The following ACTR3C variants were observed in gnomAD, a reference collection of about 807,000 sequenced individuals.
ACTR3C encodes actin-related protein 3C.
ACTR3C carries 18 observed loss-of-function variants against 26.3 expected under a neutral mutation model. The ratio of observed to expected loss-of-function variants is 0.68; its 90% CI spans 0.47 to 1.01. The LOEUF is 1.01. ACTR3C is among the 50% of genes least tolerant of loss of function. ACTR3C has a pLI of 0.00. For missense variants in ACTR3C, 184 were observed against 250.7 expected (o/e 0.73, Z 1.80); for synonymous variants, 55 against 94.5 (o/e 0.58, Z 2.42).
At chr7:150,193,408 CTT>C in the ACTR3C span, among the ~76,000 whole-genome samples, 28 of 133,442 alleles carry the variant, frequency 2.1e-4, no homozygotes, top group African/African-American at 6.6e-4. Flanking sequence ...TTTTTATTTT[CTT>C]TTTTTTTTTT....
the ACTR3C span, among the ~76,000 whole-genome samples, chr7:150,015,973 T>G: frequency 3.3e-5 from 5 of 151,342 alleles, no homozygotes; most frequent in African/African-American, 1.2e-4. Flanking sequence ...GAATCCACCC[T>G]GGAGGCCTCA....
chr7:150,132,220 G>A, the ACTR3C span, among the ~76,000 whole-genome samples: 4 of 152,118 alleles, frequency 2.6e-5, no homozygotes, highest in South Asian at 2.1e-4. Context: ...CAGGGTAGAC[G>A]GGGAATAACT....
chr7:150,027,031 C>A, the ACTR3C span, among the ~76,000 whole-genome samples: 39 of 151,818 alleles, frequency 2.6e-4, no homozygotes, highest in African/African-American at 9.2e-4. Flanking sequence ...AATTTGTGAC[C>A]GAGCCAGGAT....
chr7:150,143,516 A>C, the ACTR3C span, among the ~76,000 whole-genome samples: 1 of 152,190 alleles, frequency 6.6e-6, no homozygotes, highest in Non-Finnish European at 1.5e-5. Context: ...ATAGTCATGT[A>C]ACAGCTACGA....
the ACTR3C span, among the ~76,000 whole-genome samples, chr7:150,090,921 T>C: frequency 6.6e-6 from 1 of 151,870 alleles, no homozygotes; most frequent in Non-Finnish European, 1.5e-5. Context: ...GCCTCTGGAG[T>C]GAGGCAGAAT....
the ACTR3C span, among the ~76,000 whole-genome samples, chr7:150,142,928 G>A: frequency 1.6e-4 from 25 of 152,002 alleles, 1 homozygote; most frequent in East Asian, 4.8e-3. Context: ...TCCACCTCCC[G>A]GGTTCAAGTG....
the ACTR3C span, chr7:150,001,963 G>C: frequency 6.6e-6 from 1 of 152,220 alleles, no homozygotes; most frequent in Non-Finnish European, 1.5e-5. Context: ...AACGTGCATG[G>C]GTCCTCACCA....
At chr7:150,107,412 A>G in the ACTR3C span, among the ~76,000 whole-genome samples, 22,518 of 151,568 alleles carry the variant, frequency 0.15, 2,004 homozygotes, top group African/African-American at 0.22. Context: ...TGCTAGATCT[A>G]TTGCTTCACA....
the ACTR3C span, among the ~76,000 whole-genome samples, chr7:150,090,472 T>G: frequency 6.6e-6 from 1 of 152,146 alleles, no homozygotes. Flanking sequence ...TTAAGCTGAT[T>G]TGTATTCTTT....
the ACTR3C span, among the ~76,000 whole-genome samples, chr7:150,104,474 C>T: frequency 6.6e-6 from 1 of 151,698 alleles, no homozygotes; most frequent in Non-Finnish European, 1.5e-5. Context: ...GACATTTGTA[C>T]TTCTCAAAGG....
At chr7:150,129,282 T>C in the ACTR3C span, among the ~76,000 whole-genome samples, 1 of 152,054 alleles carries the variant, frequency 6.6e-6, no homozygotes, top group East Asian at 1.9e-4. Context: ...ACAAGTAACA[T>C]ACTGAATGGT....
the ACTR3C span, among the ~76,000 whole-genome samples, chr7:149,991,153 T>A: frequency 6.6e-6 from 1 of 152,088 alleles, no homozygotes; most frequent in Non-Finnish European, 1.5e-5. Context: ...AGACAGCAAG[T>A]GCAGGGGAAC....
chr7:149,993,509 A>G, the ACTR3C span, among the ~76,000 whole-genome samples: 1 of 152,202 alleles, frequency 6.6e-6, no homozygotes, highest in Non-Finnish European at 1.5e-5. Flanking sequence ...ACCTAATGCC[A>G]TCAGTATGGC....
chr7:150,214,592 A>G, the ACTR3C span, among the ~76,000 whole-genome samples: 1 of 151,938 alleles, frequency 6.6e-6, no homozygotes, highest in Admixed American at 6.6e-5. Flanking sequence ...TGTATAAAAC[A>G]TACATAATTG....
the ACTR3C span, among the ~76,000 whole-genome samples, chr7:150,138,794 G>A: frequency 3.9e-5 from 6 of 152,282 alleles, no homozygotes; most frequent in African/African-American, 7.2e-5. Flanking sequence ...ACTTACAGCC[G>A]CTCCCCATCG....
the ACTR3C span, among the ~76,000 whole-genome samples, chr7:150,049,120 C>T: frequency 2.0e-5 from 3 of 152,012 alleles, no homozygotes; most frequent in African/African-American, 2.4e-5. Flanking sequence ...CCTGCCCAGC[C>T]GCAGGAAGGC....
the ACTR3C span, among the ~76,000 whole-genome samples, chr7:149,951,265 T>C: frequency 1.0e-4 from 13 of 125,452 alleles, no homozygotes; most frequent in South Asian, 5.6e-4. Flanking sequence ...CCCTCCTTGC[T>C]CCGCAGGGAT....
chr7:150,118,900 T>C, the ACTR3C span, among the ~76,000 whole-genome samples: 1 of 143,346 alleles, frequency 7.0e-6, no homozygotes, highest in Non-Finnish European at 1.5e-5. Flanking sequence ...GCAGAAACCC[T>C]ACAAGCCAGA....
At chr7:149,992,652 G>A in the ACTR3C span, among the ~76,000 whole-genome samples, 9 of 152,212 alleles carry the variant, frequency 5.9e-5, no homozygotes, top group Non-Finnish European at 8.8e-5. Context: ...CATGGGTTCC[G>A]TGAGGCCCCG....
Sources: allele counts gnomAD v4.1 joint callset (sites outside exome capture counted in the v4.1 genomes callset), GRCh38; gene constraint gnomAD v4.1.1; transcripts MANE v1.5; gene names NCBI Gene and HGNC (gene_info 2026-07-23, HGNC 2026-07-21).